The following JMJD1C variants were observed in gnomAD, a reference collection of about 807,000 sequenced individuals.
The protein encoded by JMJD1C is jumonji domain-containing protein 1C.
JMJD1C carries 31 observed loss-of-function variants against 245.3 expected under a neutral mutation model. The ratio of observed to expected loss-of-function variants is 0.13; its 90% CI spans 0.09 to 0.17. The LOEUF (loss-of-function observed/expected upper bound fraction) is 0.17, where lower values mean the gene tolerates loss of function less well. JMJD1C is among the 10% of genes least tolerant of loss of function. The pLI, the probability that JMJD1C is intolerant of heterozygous loss-of-function variation, is 1.00. For synonymous variants in JMJD1C, 1,057 were observed against 1,017.4 expected (o/e 1.04, Z -0.74); for missense variants, 2,691 against 3,000.2 (o/e 0.90, Z 2.41).
chr10:63,428,924 T>C (rs1028415396), intron 1 of JMJD1C, among the ~76,000 whole-genome samples: 5 of 152,144 alleles, frequency 3.3e-5, no homozygotes, highest in Admixed American at 2.0e-4. Context: ...ATAAAATCTC[T>C]GGCTTAAAAT....
intron 2 of JMJD1C, among the ~76,000 whole-genome samples, chr10:63,339,830 G>A (rs200748802): frequency 1.2e-4 from 19 of 152,260 alleles, no homozygotes; most frequent in East Asian, 7.7e-4. Context: ...GGTTCACTGC[G>A]GAGAAGCTGG....
chr10:63,215,676 G>A lies in JMJD1C; in HGVS notation c.699C>T (p.Val233=), dbSNP rs74138760. 9.9e-4 allele frequency: 1,569 copies of A among 1,588,958 alleles called. 8 individuals carry two copies. In the African/African-American group the frequency reaches 0.014, roughly 14 times the overall value. ...AGGTCATTTGAACCATAGAAGGATC[G>A]ACATTCTGTGGTTCTAGTACCTAAT... ...MNDQVLEPQN[V]DPSMVQMTFL... is the part of the protein sequence containing the mutation. Residue 233 remains valine (V), a synonymous_variant, in exon 6 of 26, where the codon GTC becomes GTT. Transcript: ENST00000399262.
At chr10:63,316,482 C>G (rs567215671) in intron 2 of JMJD1C, among the ~76,000 whole-genome samples, 1 of 152,224 alleles carries the variant, frequency 6.6e-6, no homozygotes, top group African/African-American at 2.4e-5. Context: ...CAGAGTTTCG[C>G]TCCTCTCCAG....
chr10:63,508,483 A>C (rs1203428784), intron 1 of JMJD1C, among the ~76,000 whole-genome samples: 1 of 152,142 alleles, frequency 6.6e-6, no homozygotes, highest in Non-Finnish European at 1.5e-5. Context: ...CTCTCCATAT[A>C]AACTTTAGGA....
At position 63,252,634 on chromosome 10, in the gene JMJD1C, T is replaced by C. The variant is rs569154446; in HGVS notation, c.447+12017A>G. On this transcript the variant is annotated intron_variant, in intron 3 of 25. Transcript: ENST00000399262. ...ACACAAACATATATACAACCCCACT[T>C]GCCACATCCCATACTGGTACTGTAT... 3.3e-5 allele frequency among the ~76,000 whole-genome samples: 5 copies of C among 152,286 alleles called. No individual in the cohort carries two copies. In the East Asian group the frequency reaches 9.6e-4, roughly 29 times the overall value.
intron 2 of JMJD1C, among the ~76,000 whole-genome samples, chr10:63,309,346 T>G (rs1440613534): frequency 6.7e-6 from 1 of 149,308 alleles, no homozygotes; most frequent in East Asian, 2.0e-4. Flanking sequence ...TGCAAAAAAT[T>G]AACCAGGCGT....
chr10:63,430,824 T>C (rs1310227072), intron 1 of JMJD1C, among the ~76,000 whole-genome samples: 1 of 152,182 alleles, frequency 6.6e-6, no homozygotes, highest in Admixed American at 6.5e-5. Flanking sequence ...GGTCACCGCA[T>C]CCTGGAATTC....
chr10:63,350,560 A>T (rs1944265903), intron 2 of JMJD1C, among the ~76,000 whole-genome samples: 2 of 151,992 alleles, frequency 1.3e-5, no homozygotes, highest in Admixed American at 1.3e-4. Context: ...AAATAGAATT[A>T]CAGAGGGAGT....
chr10:63,174,381 A>C (rs1485029208), intron 24 of JMJD1C, among the ~76,000 whole-genome samples: 1 of 152,252 alleles, frequency 6.6e-6, no homozygotes, highest in African/African-American at 2.4e-5. Context: ...TGATAAATAC[A>C]ACAATAGGAA....
In JMJD1C at chr10:63,247,763, C is replaced by T. The variant is rs1852437047; in HGVS notation, c.447+16888G>A. Among the ~76,000 whole-genome samples the T allele has an allele frequency of 2.0e-5, 3 of 149,738 alleles. No homozygotes were observed. In the South Asian group the frequency reaches 6.3e-4, roughly 32 times the overall value. On this transcript the variant is annotated intron_variant, in intron 3 of 25. Transcript: ENST00000399262. ...AGAAACAAAAACCTTGCATCTTTTC[C>T]CATTTCTTTTCCAAAGAAAAGTCCA...
At chr10:63,203,434 A>C (rs1402422676) in intron 10 of JMJD1C, 8 of 985,302 alleles carry the variant, frequency 8.1e-6, no homozygotes, top group Non-Finnish European at 9.6e-6. Context: ...GGAAGAAAGT[A>C]AGAGACAAAT....
intron 3 of JMJD1C, among the ~76,000 whole-genome samples, chr10:63,257,003 G>A (rs1854032714): frequency 6.6e-6 from 1 of 152,130 alleles, no homozygotes; most frequent in African/African-American, 2.4e-5. Flanking sequence ...GGGAGGCCGA[G>A]GTGGGAGGAT....
chr10:63,209,044 T>G lies in JMJD1C; in HGVS notation c.2867+19A>C, dbSNP rs949456185. On this transcript the variant is annotated intron_variant, in intron 9 of 25. Transcript: ENST00000399262. ...TTATGAACAAGGTATTTATAATTTTTAAGCACTGGTGAACTTACTCCTTAT... is the reference window on the plus strand; with the variant it reads ...TTATGAACAAGGTATTTATAATTTTGAAGCACTGGTGAACTTACTCCTTAT... The G allele has an allele frequency of 9.6e-6, 15 of 1,569,816 alleles. 1 individual carries two copies. The highest frequency in any genetic ancestry group is 4.5e-5 in the East Asian group (2 of 44,512).
At chr10:63,398,936 C>T (rs531652017) in intron 1 of JMJD1C, among the ~76,000 whole-genome samples, 4 of 152,278 alleles carry the variant, frequency 2.6e-5, no homozygotes, top group South Asian at 2.1e-4. Flanking sequence ...TGGGAGCCAC[C>T]GCTCCTGGCC....
At chr10:63,440,109 C>T (rs754865530) in intron 1 of JMJD1C, among the ~76,000 whole-genome samples, 3 of 152,052 alleles carry the variant, frequency 2.0e-5, no homozygotes, top group Admixed American at 6.6e-5. Context: ...CCAAGGTGGG[C>T]GGATCACCTG....
chr10:63,478,722 T>G (rs1400922394), intron 1 of JMJD1C, among the ~76,000 whole-genome samples: 1 of 152,186 alleles, frequency 6.6e-6, no homozygotes, highest in Non-Finnish European at 1.5e-5. Flanking sequence ...CAGGAAATAC[T>G]GGCAACCGGG....
chr10:63,453,789 A>T (rs1952225319), intron 1 of JMJD1C, among the ~76,000 whole-genome samples: 1 of 152,200 alleles, frequency 6.6e-6, no homozygotes, highest in Non-Finnish European at 1.5e-5. Flanking sequence ...CCCAGGTTGA[A>T]GGACAGTAGC....
chr10:63,238,558 T>C (rs1851067393), intron 3 of JMJD1C, among the ~76,000 whole-genome samples: 1 of 152,206 alleles, frequency 6.6e-6, no homozygotes, highest in African/African-American at 2.4e-5. Context: ...TATCTTTATA[T>C]TATGATGCAG....
chr10:63,430,307 C>T (rs755011062), intron 1 of JMJD1C, among the ~76,000 whole-genome samples: 4 of 152,104 alleles, frequency 2.6e-5, no homozygotes, highest in Non-Finnish European at 5.9e-5. Flanking sequence ...GATGTGACAC[C>T]AAAAGCACAA....
Sources: gnomAD v4.1 joint callset for allele counts (sites outside exome capture counted in the v4.1 genomes callset) on GRCh38, gnomAD v4.1.1 for gene constraint, MANE v1.5 for transcripts, NCBI Gene and HGNC (gene_info 2026-07-23, HGNC 2026-07-21) for gene names.